The following SLC66A2 variants were observed in gnomAD, a reference collection of about 807,000 sequenced individuals.
SLC66A2 encodes solute carrier family 66 member 2.
In SLC66A2, 23 loss-of-function variants were observed where a neutral mutation model predicts 25.5. The observed-to-expected ratio is 0.90, with a 90% CI of 0.65 to 1.28. The LOEUF is 1.28. Among genes scored for constraint, SLC66A2 ranks in the 50% most tolerant of loss-of-function variants. The probability of loss-of-function intolerance (pLI) is 0.00; values close to 1 mark genes in which losing one functional copy is unlikely to be tolerated. For missense variants in SLC66A2, 396 were observed against 373.1 expected (o/e 1.06, Z -0.51); for synonymous variants, 193 against 166.5 (o/e 1.16, Z -1.23).
intron 5 of SLC66A2, among the ~76,000 whole-genome samples, chr18:79,914,428 C>G (rs1320563107): frequency 6.6e-6 from 1 of 152,192 alleles, no homozygotes; most frequent in Non-Finnish European, 1.5e-5. Flanking sequence ...GAACCTGAGA[C>G]GTCTCTGACC....
At chr18:79,942,678 C>T (rs139998732) in intron 3 of SLC66A2, among the ~76,000 whole-genome samples, 94 of 152,326 alleles carry the variant, frequency 6.2e-4, no homozygotes, top group Non-Finnish European at 9.8e-4. Flanking sequence ...AGAAGCCCGC[C>T]AGCCTGCATG....
intron 2 of SLC66A2, among the ~76,000 whole-genome samples, chr18:79,947,849 A>G (rs1486431901): frequency 1.3e-5 from 2 of 152,128 alleles, no homozygotes; most frequent in African/African-American, 2.4e-5. Flanking sequence ...AGAGGCTCCC[A>G]AGAGAGAAAC....
chr18:79,933,401 G>A (rs1005835216), intron 4 of SLC66A2, among the ~76,000 whole-genome samples: 36 of 152,144 alleles, frequency 2.4e-4, no homozygotes, highest in African/African-American at 8.2e-4. Flanking sequence ...CACTCTCACC[G>A]CCTATAACCA....
At chr18:79,916,117 ACCCT>A (rs1194602336) in intron 5 of SLC66A2, among the ~76,000 whole-genome samples, 13 of 117,368 alleles carry the variant, frequency 1.1e-4, no homozygotes, top group Non-Finnish European at 2.1e-4. Flanking sequence ...GTGCTCCCGT[ACCCT>A]CCCATACCCA....
chr18:79,926,714 A>G (rs938828457), intron 4 of SLC66A2, among the ~76,000 whole-genome samples: 2 of 151,612 alleles, frequency 1.3e-5, no homozygotes, highest in African/African-American at 4.9e-5. Context: ...CATTACATTC[A>G]GAATTATAGC....
At chr18:79,910,069 CCCA>C (rs1216506198) in intron 5 of SLC66A2, among the ~76,000 whole-genome samples, 2 of 141,812 alleles carry the variant, frequency 1.4e-5, no homozygotes. Flanking sequence ...CCCAGCCTTC[CCCA>C]CCATCTCACC....
intron 5 of SLC66A2, among the ~76,000 whole-genome samples, chr18:79,906,455 T>C (rs565987603): frequency 1.4e-4 from 22 of 152,358 alleles, no homozygotes; most frequent in African/African-American, 5.3e-4. Flanking sequence ...ATATTTTCAA[T>C]AGTTTGCTTT....
At chr18:79,948,716 G>A (rs113116159) in intron 2 of SLC66A2, among the ~76,000 whole-genome samples, 3,696 of 152,196 alleles carry the variant, frequency 0.024, 76 homozygotes, top group Non-Finnish European at 0.035. Flanking sequence ...CTTCTTTCCC[G>A]TATGGTTATC....
chr18:79,903,826 A>C lies in SLC66A2; in HGVS notation c.*150T>G. On this transcript the variant is annotated 3_prime_UTR_variant, in exon 6 of 6. Coordinates refer to ENST00000397778, the MANE Select transcript of SLC66A2 (RefSeq NM_025078.5). ...AGCCCCACCCCCACTGCCCACCCTG[A>C]GACACCCCACAGAGGCTGATGGAGA... is the stretch of plus-strand genomic sequence containing the variant. The C allele has an allele frequency of 1.7e-6, 1 of 592,952 alleles. No individual in the cohort carries two copies. The allele number at this position is 592,952 out of a possible 1,614,324, so 36.7% of individuals were successfully genotyped here.
At chr18:79,916,114 C>T (rs1031100193) in intron 5 of SLC66A2, among the ~76,000 whole-genome samples, 17 of 128,458 alleles carry the variant, frequency 1.3e-4, no homozygotes, top group African/African-American at 4.1e-4. Flanking sequence ...GCAGTGCTCC[C>T]GTACCCTCCC....
rs368292366 is a variant in SLC66A2, at chr18:79,904,184, C to T, written c.609-1G>A. 1 of 1,612,684 alleles carries T rather than the reference C, an allele frequency of 6.2e-7. No homozygotes were observed. The highest frequency in any genetic ancestry group is 8.5e-7 in the Non-Finnish European group (1 of 1,179,656). ...GGTCCACATGAGCACCATCTTGATG[C>T]TGTGGAGACACAAGCAGGCGGTCAG... On this transcript the variant is annotated splice_acceptor_variant, in intron 5 of 5. Transcript: ENST00000397778. LOFTEE classifies it high-confidence loss of function. This position sits in a 1 kb window ranked among gnomAD's most constrained non-coding sequence, Gnocchi z 6.3.
intron 4 of SLC66A2, among the ~76,000 whole-genome samples, chr18:79,924,582 TTA>T (rs554394698): frequency 1.3e-4 from 20 of 152,332 alleles, no homozygotes; most frequent in Middle Eastern, 3.4e-3. Flanking sequence ...ATTGTGAATT[TTA>T]TGTTATGTAA....
At chr18:79,922,298 AAAG>A (rs1348117431) in intron 4 of SLC66A2, among the ~76,000 whole-genome samples, 2 of 151,916 alleles carry the variant, frequency 1.3e-5, no homozygotes, top group Non-Finnish European at 2.9e-5. Context: ...AAAAAAAAAA[AAAG>A]CTAAAATCCT....
chr18:79,945,015 G>T (rs983019860), intron 2 of SLC66A2: 1 of 153,450 alleles, frequency 6.5e-6, no homozygotes, highest in African/African-American at 2.4e-5. Flanking sequence ...GGAACAGGGG[G>T]AACCCCATAG....
At chr18:79,949,718 G>A (rs2051053773) in intron 2 of SLC66A2, 1 of 152,318 alleles carries the variant, frequency 6.6e-6, no homozygotes, top group Non-Finnish European at 1.5e-5. Flanking sequence ...ATTACTCAGT[G>A]ACCAGAGTCA....
intron 4 of SLC66A2, chr18:79,924,878 C>G (rs1009484753): frequency 6.6e-5 from 10 of 152,268 alleles, no homozygotes; most frequent in African/African-American, 2.2e-4. Flanking sequence ...CTACCATTAG[C>G]TGTCAGCTCA....
At position 79,918,454 on chromosome 18, in the gene SLC66A2, GGA is replaced by G. The variant is rs1436692573; in HGVS notation, c.608+728_608+729del. ...GTCCCCAGTGAGGAGCGGGCACCGGGGAGGGTCCCCAGTGAGGAGCGGCACCG... is the reference window on the plus strand; with the variant it reads ...GTCCCCAGTGAGGAGCGGGCACCGGGGGGTCCCCAGTGAGGAGCGGCACCG... On this transcript the variant is annotated intron_variant, in intron 5 of 5. Transcript: ENST00000397778. The surrounding 1 kb of genome is among the most constrained non-coding windows in gnomAD (Gnocchi z 4.0). Among the ~76,000 whole-genome samples, 2 of 148,896 alleles carry G rather than the reference GGA, an allele frequency of 1.3e-5. No homozygotes were observed. Among genetic ancestry groups the G allele is most frequent in the South Asian group, 2.1e-4 (1 of 4,736 alleles).
At chr18:79,922,420 T>C (rs1256160197) in intron 4 of SLC66A2, among the ~76,000 whole-genome samples, 1 of 152,158 alleles carries the variant, frequency 6.6e-6, no homozygotes, top group Non-Finnish European at 1.5e-5. Flanking sequence ...CACGGTCTCC[T>C]GTTCCTCAGA....
At position 79,934,010 on chromosome 18, in the gene SLC66A2, T is replaced by A; in HGVS notation, c.350A>T (p.Lys117Met). 1 of 1,612,636 alleles carries A rather than the reference T, an allele frequency of 6.2e-7. No homozygotes were observed. The highest frequency in any genetic ancestry group is 1.1e-5 in the South Asian group (1 of 90,334). Residue 117 changes from lysine to methionine, a missense_variant, in exon 4 of 6, where the codon AAG (lysine) becomes ATG (methionine). Coordinates refer to ENST00000397778, the MANE Select transcript of SLC66A2 (RefSeq NM_025078.5). Reference protein sequence around the residue: ...RRRSFTAADSKDEEVKVAPRR... With the variant: ...RRRSFTAADSMDEEVKVAPRR... ...GGGGGCAACCTTGACTTCTTCATCC[T>A]TGCTATCTGCAGCTACACGTTAAAA... is the stretch of plus-strand genomic sequence containing the variant.
Sources: gnomAD v4.1 joint callset for allele counts (sites outside exome capture counted in the v4.1 genomes callset) on GRCh38, gnomAD v4.1.1 for gene constraint, Gnocchi (gnomAD v3.1) non-coding constraint, MANE v1.5 for transcripts, NCBI Gene and HGNC (gene_info 2026-07-23, HGNC 2026-07-21) for gene names.